The following COL20A1 variants were observed in gnomAD, a reference collection of about 807,000 sequenced individuals.
COL20A1 encodes the protein collagen type XX alpha 1 chain, also known as collagen alpha-1(XX) chain.
In COL20A1, 164 loss-of-function variants were observed where a neutral mutation model predicts 152.9. That is an observed-to-expected ratio of 1.07 (90% CI 0.94 to 1.22). The LOEUF (loss-of-function observed/expected upper bound fraction) is 1.22. COL20A1 is among the 50% of genes most tolerant of loss of function. The pLI is 0.00. For synonymous variants in COL20A1, 864 were observed against 756.0 expected, an observed-to-expected ratio of 1.14 and a Z score of -2.34; for missense variants, 1,873 against 1,744.8, an observed-to-expected ratio of 1.07 and a Z score of -1.31.
rs1325986390 is a variant in COL20A1, at chr20:63,315,391, C to G, written c.2489-13C>G. The G allele has an allele frequency of 1.3e-6, 2 of 1,572,612 alleles. No individual in the cohort carries two copies. Among genetic ancestry groups the G allele is most frequent in the Admixed American group, 3.6e-5 (2 of 55,130 alleles). On this transcript the variant is annotated splice_polypyrimidine_tract_variant and intron_variant, in intron 19 of 35. Transcript: ENST00000358894. The stretch of plus-strand genomic sequence containing the variant: ...CCGCTCCCACTCACACTGACCCTGT[C>G]TCCTCTCAGCAGCCTGCCCAGCCCT...
Position 63,331,381 on chromosome 20 carries a change from C to T in COL20A1, c.*665C>T, listed in dbSNP as rs1369098448. 1 of 152,338 alleles carries T rather than the reference C, an allele frequency of 6.6e-6. No homozygotes were observed. Among genetic ancestry groups the T allele is most frequent in the Admixed American group, 6.5e-5 (1 of 15,292 alleles). 9.4% of individuals were successfully genotyped at this position (152,338 alleles called of 1,614,324 possible). A position where few individuals can be genotyped will look rare whatever the true frequency, so the allele number is the denominator to read the frequency against. On this transcript the variant is annotated 3_prime_UTR_variant, in exon 36 of 36. Transcript: ENST00000358894. ...CAGATCCTGTGTGTGAATGGCCACC[C>T]CTCACCCACCCAGCCCTGTGCTGAG...
In COL20A1 at chr20:63,309,485, C is replaced by T. The variant is rs372211237; in HGVS notation, c.1093C>T (p.Arg365Trp). ...CCAGAGGCTCCAGGGTGGGAGCCCG[C>T]GGCAGGGCCCAGGTGAGGGGCAGGG... ...ICQRLQGGSPRQGPAAAPALD... is the reference protein window; with the variant it reads ...ICQRLQGGSPWQGPAAAPALD... Residue 365 changes from arginine (R) to tryptophan (W), a missense_variant, in exon 9 of 36, where the codon CGG becomes TGG. By Grantham distance (101) the Arg-to-Trp change is moderately radical. Transcript: ENST00000358894. 1.2e-4 allele frequency: 183 copies of T among 1,521,008 alleles called. 1 individual carries two copies. The highest frequency in any genetic ancestry group is 4.0e-4 in the South Asian group (33 of 81,748). 94.2% of individuals were successfully genotyped at this position (1,521,008 alleles called of 1,614,324 possible).
At chr20:63,320,414 A>G in intron 25 of COL20A1, 46 bp downstream of exon 25, 4 of 1,572,188 alleles carry the variant, frequency 2.5e-6, no homozygotes, top group East Asian at 2.2e-5. Flanking sequence ...AGTTAGGGCA[A>G]GTGCCCACTG....
Position 63,305,189 on chromosome 20 carries a change from T to G in COL20A1, c.194-228T>G, listed in dbSNP as rs772843241. ...CATGCGGCGGATTCCTCTAGGGGGGTTTAGTAAGTGACATCTTCTTTTCAC... is the reference window on the plus strand; with the variant it reads ...CATGCGGCGGATTCCTCTAGGGGGGGTTAGTAAGTGACATCTTCTTTTCAC... On this transcript the variant is annotated intron_variant, in intron 3 of 35. Transcript: ENST00000358894. The surrounding 1 kb of genome is among the most constrained non-coding windows in gnomAD (Gnocchi z 4.9). Among the ~76,000 whole-genome samples the G allele has an allele frequency of 6.6e-6, 1 of 151,094 alleles. No homozygotes were observed. The highest frequency in any genetic ancestry group is 2.4e-5 in the African/African-American group (1 of 40,992).
Position 63,309,481 on chromosome 20 carries a change from C to T in COL20A1, c.1089C>T (p.Ser363=), listed in dbSNP as rs1399973366. Reference sequence around the variant, plus strand: ...TCTGCCAGAGGCTCCAGGGTGGGAGCCCGCGGCAGGGCCCAGGTGAGGGGC... The same window carrying T: ...TCTGCCAGAGGCTCCAGGGTGGGAGTCCGCGGCAGGGCCCAGGTGAGGGGC... ...RLICQRLQGG[S]PRQGPAAAPA... is the part of the protein sequence containing the mutation. The change falls in exon 9 of 36, where the codon AGC becomes AGT. Residue 363 remains serine, a synonymous_variant. Coordinates refer to ENST00000358894, the MANE Select transcript of COL20A1 (RefSeq NM_020882.4). 1 of 1,523,906 alleles carries T rather than the reference C, an allele frequency of 6.6e-7. No homozygotes were observed. Among genetic ancestry groups the T allele is most frequent in the Non-Finnish European group, 8.8e-7 (1 of 1,132,504 alleles). The allele number at this position is 1,523,906 out of a possible 1,614,324, so 94.4% of individuals were successfully genotyped here.
At chr20:63,323,866 G>A (rs973348504) in intron 27 of COL20A1, among the ~76,000 whole-genome samples, 1 of 150,924 alleles carries the variant, frequency 6.6e-6, no homozygotes, top group African/African-American at 2.5e-5. Context: ...CTGTAGAATC[G>A]ACTTATCCGT....
chr20:63,315,235 G>C (rs553445125), intron 19 of COL20A1, among the ~76,000 whole-genome samples, 169 bp from the exon 20 acceptor site: 1 of 152,270 alleles, frequency 6.6e-6, no homozygotes, highest in Non-Finnish European at 1.5e-5. Context: ...TCTGGGAGGC[G>C]TGGGGACCAC....
In COL20A1 at chr20:63,312,509, TG is replaced by T; in HGVS notation, c.1898del (p.Gly633ValfsTer6). The T allele has an allele frequency of 1.9e-6, 3 of 1,607,126 alleles. No individual in the cohort carries two copies. On this transcript the variant is annotated frameshift_variant, in exon 15 of 36. Transcript: ENST00000358894. LOFTEE classifies it high-confidence loss of function. ...CTGTCCGTGTCACCTGCCTCTACCCTGGGGGTGGCTCCTCTACGCTGACTGG... is the reference window on the plus strand; with the variant it reads ...CTGTCCGTGTCACCTGCCTCTACCCTGGGGTGGCTCCTCTACGCTGACTGG... ...YTVRVTCLYPGGGSSTLTGRV... is the reference protein window; with the variant it reads ...YTVRVTCLYPXGGSSTLTGRV...
rs935694747 is a variant in COL20A1 at position 63,333,894 on chromosome 20, G to T, written c.*3178G>T. 2.6e-5 allele frequency: 4 copies of T among 152,330 alleles called. No homozygotes were observed. Among genetic ancestry groups the T allele is most frequent in the Non-Finnish European group, 1.5e-5 (1 of 68,102 alleles). The allele number at this position is 152,330 out of a possible 1,614,324, so 9.4% of individuals were successfully genotyped here. ...ATCTACCAAGGACCAGGGCAGTGGGGACGGGAGAGCTGGGACACGTGGACT... is the reference window on the plus strand; with the variant it reads ...ATCTACCAAGGACCAGGGCAGTGGGTACGGGAGAGCTGGGACACGTGGACT... On this transcript the variant is annotated 3_prime_UTR_variant, in exon 36 of 36. Coordinates refer to ENST00000358894, the MANE Select transcript of COL20A1 (RefSeq NM_020882.4).
rs2067979183 is a variant in COL20A1, at chr20:63,309,738, C to CA, written c.1106-19dup. 1 of 1,539,150 alleles carries CA rather than the reference C, an allele frequency of 6.5e-7. No homozygotes were observed. Among genetic ancestry groups the CA allele is most frequent in the South Asian group, 1.2e-5 (1 of 80,916 alleles). On this transcript the variant is annotated intron_variant, in intron 9 of 35. Coordinates refer to ENST00000358894, the MANE Select transcript of COL20A1 (RefSeq NM_020882.4). Reference sequence around the variant, plus strand: ...GCCCGTGCAGTGACCACCTGCCCCCCACTCCCGCTACTCCAGCAGCAGCGG... The same window carrying CA: ...GCCCGTGCAGTGACCACCTGCCCCCCAACTCCCGCTACTCCAGCAGCAGCGG...
intron 27 of COL20A1, among the ~76,000 whole-genome samples, chr20:63,323,482 T>G (rs759966475): frequency 1.3e-5 from 2 of 152,198 alleles, no homozygotes; most frequent in Non-Finnish European, 2.9e-5. Flanking sequence ...TCCAGGCACT[T>G]TTCGACACTC....
At chr20:63,298,050 C>T (rs1489058096) in intron 3 of COL20A1, 30 bp downstream of exon 3, 1 of 1,498,176 alleles carries the variant, frequency 6.7e-7, no homozygotes, top group Non-Finnish European at 9.2e-7. Context: ...AGGCCCCCTT[C>T]CCCATTAGCA....
rs371265846 is a variant in COL20A1, at chr20:63,312,772, T to C, written c.1934-20T>C. 6.5e-6 allele frequency: 10 copies of C among 1,531,860 alleles called. No homozygotes were observed. Among genetic ancestry groups the C allele is most frequent in the Non-Finnish European group, 7.9e-6 (9 of 1,132,400 alleles). The allele number at this position is 1,531,860 out of a possible 1,614,324, so 94.9% of individuals were successfully genotyped here. A position where few individuals can be genotyped will look rare whatever the true frequency, so the allele number is the denominator to read the frequency against. On this transcript the variant is annotated intron_variant, in intron 15 of 35. Coordinates refer to ENST00000358894, the MANE Select transcript of COL20A1 (RefSeq NM_020882.4). The stretch of plus-strand genomic sequence containing the variant: ...AGGCTCAGGGGCTACACCCCCAGCC[T>C]GTGTCTCCACTTCCTTCAGAGAAAG...
intron 6 of COL20A1, 77 bp downstream of exon 6, chr20:63,307,725 G>T (rs1483940231): frequency 2.7e-6 from 4 of 1,508,258 alleles, no homozygotes; most frequent in East Asian, 4.6e-5. Flanking sequence ...GCTGTGACCT[G>T]TGGGGGTCCC....
At chr20:63,301,580 A>T (rs1246038763) in intron 3 of COL20A1, among the ~76,000 whole-genome samples, 1 of 152,182 alleles carries the variant, frequency 6.6e-6, no homozygotes, top group Non-Finnish European at 1.5e-5. Flanking sequence ...TGCTTTATGC[A>T]TGAGGCTCTG....
chr20:63,313,072 G>GGACCCCACTGCACCCGGT lies in COL20A1; in HGVS notation c.2077-38_2077-21dup, dbSNP rs1477032576. On this transcript the variant is annotated intron_variant, in intron 16 of 35. Coordinates refer to ENST00000358894, the MANE Select transcript of COL20A1 (RefSeq NM_020882.4). The surrounding 1 kb of genome is among the most constrained non-coding windows in gnomAD (Gnocchi z 5.9). The stretch of plus-strand genomic sequence containing the variant: ...CTCACTGCCCGGCCCCCCAACCTGA[G>GGACCCCACTGCACCCGGT]GACCCCACTGCACCCGGTGACCCCT... 1 of 1,582,122 alleles carries GGACCCCACTGCACCCGGT rather than the reference G, an allele frequency of 6.3e-7. No homozygotes were observed. Among genetic ancestry groups the GGACCCCACTGCACCCGGT allele is most frequent in the Non-Finnish European group, 8.6e-7 (1 of 1,164,540 alleles).
intron 35 of COL20A1, among the ~76,000 whole-genome samples, chr20:63,330,265 A>G (rs2068315913): frequency 6.6e-6 from 1 of 151,858 alleles, no homozygotes; most frequent in Non-Finnish European, 1.5e-5. Flanking sequence ...GTACAGCACA[A>G]CTCCGGCCTC....
At chr20:63,299,027 A>G (rs2067833494) in intron 3 of COL20A1, among the ~76,000 whole-genome samples, 1 of 152,304 alleles carries the variant, frequency 6.6e-6, no homozygotes, top group South Asian at 2.1e-4. Context: ...GAATCACACC[A>G]TGGCGACTCC....
chr20:63,295,092 C>T lies in COL20A1; in HGVS notation c.-10-6C>T. On this transcript the variant is annotated splice_region_variant and splice_polypyrimidine_tract_variant and intron_variant, in intron 1 of 35. Transcript: ENST00000358894. ...GCTGAAGGGCATGGCCTCTTCCCTG[C>T]CACAGCCCGAGCACCATGAGCTCCG... The T allele has an allele frequency of 6.5e-7, 1 of 1,541,010 alleles. No homozygotes were observed.
Sources: gnomAD v4.1 joint callset for allele counts (sites outside exome capture counted in the v4.1 genomes callset) on GRCh38, gnomAD v4.1.1 for gene constraint, Gnocchi (gnomAD v3.1) non-coding constraint, MANE v1.5 for transcripts, NCBI Gene and HGNC (gene_info 2026-07-23, HGNC 2026-07-21) for gene names.